The following NR5A2 variants were observed in gnomAD, a reference collection of about 807,000 sequenced individuals.
The protein encoded by NR5A2 is CYP7A promoter-binding factor.
NR5A2 carries 26 observed loss-of-function variants against 62.7 expected under a neutral mutation model. The ratio of observed to expected loss-of-function variants is 0.41; its 90% confidence interval spans 0.30 to 0.58. NR5A2 has a LOEUF of 0.58. Ranked by LOEUF, NR5A2 falls within the 20% of genes least tolerant of loss-of-function variation. The probability of loss-of-function intolerance (pLI) is 0.22; values close to 1 mark genes in which losing one functional copy is unlikely to be tolerated. For missense variants in NR5A2, 541 were observed against 669.1 expected (o/e 0.81, Z 2.11); for synonymous variants, 246 against 241.7 (o/e 1.02, Z -0.16).
At chr1:200,053,553 C>CT (rs1242705854) in intron 5 of NR5A2, among the ~76,000 whole-genome samples, 1 of 138,922 alleles carries the variant, frequency 7.2e-6, no homozygotes, top group Non-Finnish European at 1.5e-5. Context: ...TCCCTCATCC[C>CT]CCCCAGCATG....
chr1:200,063,862 T>C (rs1203677978), intron 5 of NR5A2, among the ~76,000 whole-genome samples: 1 of 152,178 alleles, frequency 6.6e-6, no homozygotes, highest in Non-Finnish European at 1.5e-5. Context: ...CTATGCTAAA[T>C]TGCTGGAGAC....
intron 5 of NR5A2, among the ~76,000 whole-genome samples, chr1:200,059,925 G>GC (rs1391934525): frequency 6.6e-6 from 1 of 152,090 alleles, no homozygotes; most frequent in East Asian, 1.9e-4. Context: ...ACCACCCACA[G>GC]CCAAGAACAA....
intron 1 of NR5A2, among the ~76,000 whole-genome samples, chr1:200,034,229 G>T (rs1661662214): frequency 1.3e-5 from 2 of 152,172 alleles, no homozygotes; most frequent in South Asian, 2.1e-4. Flanking sequence ...TCGTCGTTCT[G>T]TTGGCCCCGA....
Position 200,151,518 on chromosome 1 carries a change from A to C in NR5A2, c.1379-22445A>C, listed in dbSNP as rs567823013. Among the ~76,000 whole-genome samples the C allele has an allele frequency of 1.2e-4, 18 of 152,362 alleles. No individual in the cohort carries two copies. The East Asian group carries it at 3.5e-3, about 29-fold the overall frequency. On this transcript the variant is annotated intron_variant, in intron 7 of 7. Coordinates refer to ENST00000367362, the MANE Select transcript of NR5A2 (RefSeq NM_205860.3). ...CAAGAGCACAACTTGTTAGATGCTC[A>C]CCATGGAAGGTGTACAACACTCAAC...
chr1:200,137,239 C>T (rs188848854), intron 7 of NR5A2, among the ~76,000 whole-genome samples: 2 of 152,132 alleles, frequency 1.3e-5, no homozygotes, highest in Admixed American at 6.5e-5. Context: ...CAACCTCTGT[C>T]TCCCAGGTTC....
chr1:200,059,844 G>A (rs1449884192), intron 5 of NR5A2, among the ~76,000 whole-genome samples: 1 of 152,186 alleles, frequency 6.6e-6, no homozygotes, highest in Admixed American at 6.5e-5. Flanking sequence ...TCCATTTGCA[G>A]AATGGCTCCA....
intron 5 of NR5A2, among the ~76,000 whole-genome samples, chr1:200,107,216 G>T (rs1406797044): frequency 6.6e-6 from 1 of 152,008 alleles, no homozygotes; most frequent in Admixed American, 6.5e-5. Context: ...TATGTTGTGG[G>T]CTAGATGCAC....
chr1:200,133,713 G>T (rs560670988), intron 7 of NR5A2, among the ~76,000 whole-genome samples: 64 of 151,162 alleles, frequency 4.2e-4, no homozygotes, highest in Non-Finnish European at 8.2e-4. Context: ...CTATTGCCTA[G>T]TATTTACCCT....
chr1:200,096,557 T>C (rs1665111744), intron 5 of NR5A2, among the ~76,000 whole-genome samples: 1 of 152,180 alleles, frequency 6.6e-6, no homozygotes, highest in Non-Finnish European at 1.5e-5. Context: ...AAAAATTAAC[T>C]GATTTAATGA....
intron 2 of NR5A2, chr1:200,042,854 C>T: frequency 1.0e-6 from 1 of 985,530 alleles, no homozygotes; most frequent in Non-Finnish European, 1.2e-6. Context: ...GCTGCGAAGA[C>T]GCCTTCGTGG....
chr1:200,073,350 A>G (rs1333816682), intron 5 of NR5A2, among the ~76,000 whole-genome samples: 1 of 53,156 alleles, frequency 1.9e-5, no homozygotes, highest in Non-Finnish European at 4.1e-5. Context: ...TCCCCTTTAT[A>G]TATATATGCG....
At chr1:200,100,073 T>C (rs2816993) in intron 5 of NR5A2, among the ~76,000 whole-genome samples, 135,498 of 152,278 alleles carry the variant, frequency 0.89, 60,539 homozygotes, top group East Asian at 0.97. Flanking sequence ...ATTCTGTTTT[T>C]ATTACTTGAA....
chr1:200,162,503 G>A (rs1433517151), intron 7 of NR5A2, among the ~76,000 whole-genome samples: 1 of 152,176 alleles, frequency 6.6e-6, no homozygotes, highest in Non-Finnish European at 1.5e-5. Context: ...GGGTGCCATT[G>A]AATGATTTTA....
At chr1:200,094,435 G>A (rs1484597016) in intron 5 of NR5A2, among the ~76,000 whole-genome samples, 1 of 149,512 alleles carries the variant, frequency 6.7e-6, no homozygotes, top group Non-Finnish European at 1.5e-5. Context: ...TCCATTTTTT[G>A]CAACCTCCGA....
chr1:200,050,333 A>T (rs1334424692), intron 5 of NR5A2, among the ~76,000 whole-genome samples: 2 of 152,258 alleles, frequency 1.3e-5, no homozygotes, highest in African/African-American at 4.8e-5. Context: ...TAATGTAAAA[A>T]TGAGGAAAAC....
intron 7 of NR5A2, among the ~76,000 whole-genome samples, chr1:200,160,648 A>G (rs1653599531): frequency 6.6e-6 from 1 of 152,050 alleles, no homozygotes; most frequent in African/African-American, 2.4e-5. Context: ...ACTGTTCCAC[A>G]GCGCTCTCTT....
chr1:200,095,223 C>T (rs1665029752), intron 5 of NR5A2, among the ~76,000 whole-genome samples: 1 of 151,896 alleles, frequency 6.6e-6, no homozygotes, highest in Non-Finnish European at 1.5e-5. Context: ...CTCAAGCAAC[C>T]CTCCCACATC....
In NR5A2 at chr1:200,027,766, C is replaced by A; in HGVS notation, c.-82C>A. ...TAGTCTGATGTGTCCTTCCCAAGGC[C>A]ACGAAATTTGACAAGCTGCACTTTT... On this transcript the variant is annotated 5_prime_UTR_variant, in exon 1 of 8. Coordinates refer to ENST00000367362, the MANE Select transcript of NR5A2 (RefSeq NM_205860.3). The A allele has an allele frequency of 2.0e-6, 2 of 998,906 alleles. No homozygotes were observed. The highest frequency in any genetic ancestry group is 2.5e-5 in the East Asian group (1 of 40,204). The allele number at this position is 998,906 out of a possible 1,614,324, so 61.9% of individuals were successfully genotyped here.
Position 200,147,587 on chromosome 1 carries a change from C to T in NR5A2, c.1379-26376C>T. 4.2e-6 allele frequency: 3 copies of T among 716,906 alleles called. No homozygotes were observed. The highest frequency in any genetic ancestry group is 7.8e-6 in the Non-Finnish European group (3 of 386,548). The allele number at this position is 716,906 out of a possible 1,614,324, so 44.4% of individuals were successfully genotyped here. A position where few individuals can be genotyped will look rare whatever the true frequency, so the allele number is the denominator to read the frequency against. On this transcript the variant is annotated intron_variant, in intron 7 of 7. Transcript: ENST00000367362. This position sits in a 1 kb window ranked among gnomAD's most constrained non-coding sequence, Gnocchi z 4.9. Reference sequence around the variant, plus strand: ...CTTAAAGCGATCTCCTCTACACGAACGCTAGGGCAGAGCACATTTTCGCAC... The same window carrying T: ...CTTAAAGCGATCTCCTCTACACGAATGCTAGGGCAGAGCACATTTTCGCAC...
Sources: gnomAD v4.1 joint callset for allele counts (sites outside exome capture counted in the v4.1 genomes callset) on GRCh38, gnomAD v4.1.1 for gene constraint, Gnocchi (gnomAD v3.1) non-coding constraint, MANE v1.5 for transcripts, NCBI Gene and HGNC (gene_info 2026-07-23, HGNC 2026-07-21) for gene names.